Variants in CRLF3 observed in about 807,000 individuals in gnomAD.
CRLF3 encodes cytokine receptor-like factor 3.
CRLF3 carries 33 observed loss-of-function variants against 55.0 expected under a neutral mutation model. The observed-to-expected ratio is 0.60, with a 90% CI of 0.46 to 0.80. The LOEUF is 0.80. Among genes scored for constraint, CRLF3 ranks in the 30% least tolerant of loss-of-function variants. The probability of loss-of-function intolerance (pLI) is 0.00; values close to 1 mark genes in which losing one functional copy is unlikely to be tolerated. For synonymous variants in CRLF3, 238 were observed against 196.8 expected, an observed-to-expected ratio of 1.21 and a Z score of -1.75; for missense variants, 494 against 538.4, an observed-to-expected ratio of 0.92 and a Z score of 0.82.
intron 6 of CRLF3, 174 bp downstream of exon 6, chr17:30,792,266 C>A: frequency 1.9e-6 from 1 of 536,350 alleles, no homozygotes; most frequent in East Asian, 2.8e-5. Flanking sequence ...CGTAATAACC[C>A]TGTGAATACA....
chr17:30,799,068 G>T (rs9896220), intron 2 of CRLF3, among the ~76,000 whole-genome samples: 20,697 of 151,882 alleles, frequency 0.14, 1,510 homozygotes, highest in South Asian at 0.25. Flanking sequence ...GGTCAGGAGT[G>T]CTAGACCAGC....
At chr17:30,795,433 T>C (rs1597920217) in intron 4 of CRLF3, among the ~76,000 whole-genome samples, 1 of 147,396 alleles carries the variant, frequency 6.8e-6, no homozygotes, top group South Asian at 2.2e-4. Flanking sequence ...GAGACGGAGG[T>C]TGTGGTGAGC....
intron 6 of CRLF3, among the ~76,000 whole-genome samples, chr17:30,791,425 T>A (rs1188370316): frequency 6.6e-6 from 1 of 152,028 alleles, no homozygotes; most frequent in Non-Finnish European, 1.5e-5. Context: ...CAGGCTGGTC[T>A]CGAACTCCTG....
In CRLF3 at chr17:30,792,476, G is replaced by C; in HGVS notation, c.923C>G (p.Ala308Gly). 1 of 1,612,326 alleles carries C rather than the reference G, an allele frequency of 6.2e-7. No individual in the cohort carries two copies. The highest frequency in any genetic ancestry group is 8.5e-7 in the Non-Finnish European group (1 of 1,178,498). Residue 308 changes from alanine (A) to glycine (G), a missense_variant, in exon 6 of 8, where the codon GCT (alanine) becomes GGT (glycine). Ala to Gly is a moderately conservative substitution (Grantham distance 60). Coordinates refer to ENST00000324238, the MANE Select transcript of CRLF3 (RefSeq NM_015986.4). ...SESSGVLYSRAPTYFCGQTLT... is the reference protein window; with the variant it reads ...SESSGVLYSRGPTYFCGQTLT... Reference sequence around the variant, plus strand: ...TGTCTGCCCACAGAAATAAGTCGGAGCTCTGGAGTAGAGAACACCCGATGA... The same window carrying C: ...TGTCTGCCCACAGAAATAAGTCGGACCTCTGGAGTAGAGAACACCCGATGA...
intron 3 of CRLF3, 23 bp downstream of exon 3, chr17:30,797,288 C>A (rs537084772): frequency 1.3e-6 from 2 of 1,565,804 alleles, no homozygotes; most frequent in East Asian, 2.2e-5. Flanking sequence ...AAAAGTAAGT[C>A]AAAAAGGCAC....
At chr17:30,818,599 G>A (rs1244415530) in intron 1 of CRLF3, among the ~76,000 whole-genome samples, 13 of 150,598 alleles carry the variant, frequency 8.6e-5, no homozygotes, top group Non-Finnish European at 1.8e-4. Flanking sequence ...GATTACAGGC[G>A]CCCACCACCA....
intron 1 of CRLF3, among the ~76,000 whole-genome samples, chr17:30,808,594 GTA>G (rs1360490447): frequency 1.2e-4 from 18 of 147,380 alleles, no homozygotes; most frequent in African/African-American, 4.5e-4. Context: ...AGCCAAACCT[GTA>G]TATATATATA....
intron 2 of CRLF3, among the ~76,000 whole-genome samples, chr17:30,802,914 C>T (rs576309854): frequency 2.6e-5 from 4 of 152,076 alleles, no homozygotes; most frequent in South Asian, 2.1e-4. Context: ...CCTGTAATCC[C>T]AGCACTTTGG....
chr17:30,808,279 T>C (rs1294217224), intron 1 of CRLF3, among the ~76,000 whole-genome samples: 1 of 3,140 alleles, frequency 3.2e-4, no homozygotes, highest in Non-Finnish European at 1.2e-3. Flanking sequence ...GAACCTATAT[T>C]TTTTTTTTTT....
intron 1 of CRLF3, among the ~76,000 whole-genome samples, chr17:30,806,440 G>C (rs961436509): frequency 1.3e-5 from 2 of 152,120 alleles, no homozygotes. Context: ...CAGACCTACT[G>C]AACCAGAAAA....
rs1024879964 is a variant in CRLF3, at chr17:30,783,596, G to A, written c.*591C>T. Reference sequence around the variant, plus strand: ...CACACCACTGCACTCCAGCCTGAGTGACAAGAGTGAGACTCCGTCTCAACA... The same window carrying A: ...CACACCACTGCACTCCAGCCTGAGTAACAAGAGTGAGACTCCGTCTCAACA... On this transcript the variant is annotated 3_prime_UTR_variant, in exon 8 of 8. Coordinates refer to ENST00000324238, the MANE Select transcript of CRLF3 (RefSeq NM_015986.4). 1.3e-5 allele frequency: 2 copies of A among 152,164 alleles called. No individual in the cohort carries two copies. Among genetic ancestry groups the A allele is most frequent in the Non-Finnish European group, 2.9e-5 (2 of 68,130 alleles). 9.4% of individuals were successfully genotyped at this position (152,164 alleles called of 1,614,324 possible). A position where few individuals can be genotyped will look rare whatever the true frequency, so the allele number is the denominator to read the frequency against.
At chr17:30,799,125 T>C (rs1971965923) in intron 2 of CRLF3, among the ~76,000 whole-genome samples, 1 of 151,716 alleles carries the variant, frequency 6.6e-6, no homozygotes, top group African/African-American at 2.4e-5. Flanking sequence ...TACAAAAAAT[T>C]TGCTGGGCGT....
Position 30,784,090 on chromosome 17 carries a change from G to A in CRLF3, c.*97C>T, listed in dbSNP as rs766368183. 1 of 1,087,522 alleles carries A rather than the reference G, an allele frequency of 9.2e-7. No individual in the cohort carries two copies. The highest frequency in any genetic ancestry group is 1.6e-5 in the South Asian group (1 of 61,982). The allele number at this position is 1,087,522 out of a possible 1,614,324, so 67.4% of individuals were successfully genotyped here. A position where few individuals can be genotyped will look rare whatever the true frequency, so the allele number is the denominator to read the frequency against. On this transcript the variant is annotated 3_prime_UTR_variant, in exon 8 of 8. Transcript: ENST00000324238. ...AAACACTTTCCAATGGCCTAAGTTAGAGATGAATTCAACTTTTTTTTTAAA... is the reference window on the plus strand; with the variant it reads ...AAACACTTTCCAATGGCCTAAGTTAAAGATGAATTCAACTTTTTTTTTAAA...
In CRLF3 at chr17:30,807,654, T is replaced by A. The variant is rs931167888; in HGVS notation, c.130-3546A>T. ...TTCAAGAGATTCTCCTGCCTTAGTC[T>A]CCTGAGTAGCTGAGATTACAGGCGC... On this transcript the variant is annotated intron_variant, in intron 1 of 7. Transcript: ENST00000324238. Among the ~76,000 whole-genome samples the A allele has an allele frequency of 2.0e-5, 3 of 149,744 alleles. No individual in the cohort carries two copies. The Admixed American group carries it at 2.0e-4, about 10-fold the overall frequency.
chr17:30,794,036 C>T (rs1268211337), intron 4 of CRLF3, among the ~76,000 whole-genome samples: 2 of 151,998 alleles, frequency 1.3e-5, no homozygotes, highest in African/African-American at 4.8e-5. Flanking sequence ...GACTGGGCTT[C>T]ACCATATCTC....
chr17:30,786,294 C>G, intron 6 of CRLF3: 1 of 275,616 alleles, frequency 3.6e-6, no homozygotes, highest in Non-Finnish European at 6.8e-6. Flanking sequence ...GGCTGAAGTG[C>G]GGTGGTGCGA....
intron 6 of CRLF3, among the ~76,000 whole-genome samples, chr17:30,788,079 A>G (rs1227459432): frequency 6.6e-6 from 1 of 152,142 alleles, no homozygotes; most frequent in African/African-American, 2.4e-5. Context: ...CTGTAATCCC[A>G]GCACTTTGGG....
intron 3 of CRLF3, among the ~76,000 whole-genome samples, chr17:30,797,010 T>C (rs559115429): frequency 6.6e-6 from 1 of 152,226 alleles, no homozygotes; most frequent in East Asian, 1.9e-4. Flanking sequence ...GCAATTCTCC[T>C]GTCTCAGCCT....
At chr17:30,817,993 G>A (rs1904860846) in intron 1 of CRLF3, among the ~76,000 whole-genome samples, 1 of 151,794 alleles carries the variant, frequency 6.6e-6, no homozygotes, top group Non-Finnish European at 1.5e-5. Context: ...TGAGTGTGGT[G>A]GCTCATGCCT....
Sources: allele counts gnomAD v4.1 joint callset (sites outside exome capture counted in the v4.1 genomes callset), GRCh38; gene constraint gnomAD v4.1.1; transcripts MANE v1.5; gene names NCBI Gene and HGNC (gene_info 2026-07-23, HGNC 2026-07-21).